The following USPL1 variants were observed in gnomAD, a reference collection of about 807,000 sequenced individuals.
The protein encoded by USPL1 is SUMO-specific isopeptidase USPL1.
USPL1 carries 27 observed loss-of-function variants against 51.5 expected under a neutral mutation model. The observed-to-expected ratio is 0.52, with a 90% CI of 0.39 to 0.72. USPL1 has a LOEUF of 0.72. Ranked by LOEUF, USPL1 falls within the 30% of genes least tolerant of loss-of-function variation. The pLI is 0.00. For missense variants in USPL1, 1,226 were observed against 1,268.0 expected, an observed-to-expected ratio of 0.97 and a Z score of 0.50; for synonymous variants, 451 against 459.6, an observed-to-expected ratio of 0.98 and a Z score of 0.24.
At chr13:30,638,446 G>A (rs1950904293) in intron 5 of USPL1, among the ~76,000 whole-genome samples, 3 of 152,068 alleles carry the variant, frequency 2.0e-5, no homozygotes, top group Non-Finnish European at 2.9e-5. Context: ...AAGCTTCCTC[G>A]CCTTTAGAAA....
intron 1 of USPL1, among the ~76,000 whole-genome samples, chr13:30,619,925 A>G (rs1357894554): frequency 6.6e-6 from 1 of 152,212 alleles, no homozygotes; most frequent in Non-Finnish European, 1.5e-5. Context: ...TGTTGGATCT[A>G]GAGGGTAAAG....
intron 8 of USPL1, among the ~76,000 whole-genome samples, chr13:30,655,892 G>A (rs576380291): frequency 6.6e-6 from 1 of 152,218 alleles, no homozygotes; most frequent in Non-Finnish European, 1.5e-5. Flanking sequence ...CATAGAAATA[G>A]AGTAAGCTAC....
chr13:30,633,047 A>G (rs1165505082), intron 4 of USPL1, among the ~76,000 whole-genome samples: 1 of 152,012 alleles, frequency 6.6e-6, no homozygotes, highest in Non-Finnish European at 1.5e-5. Context: ...TCATCATTCC[A>G]TCTTTTCTTA....
chr13:30,631,529 C>G (rs1168667949), intron 4 of USPL1, 55 bp downstream of exon 4: 2 of 1,482,692 alleles, frequency 1.3e-6, no homozygotes, highest in African/African-American at 1.4e-5. Context: ...GAGTCAGGGT[C>G]TCATTCTGTC....
Position 30,631,144 on chromosome 13 carries a change from G to C in USPL1, c.538G>C (p.Val180Leu), listed in dbSNP as rs1386460809. The C allele has an allele frequency of 6.2e-7, 1 of 1,614,194 alleles. No homozygotes were observed. Among genetic ancestry groups the C allele is most frequent in the Non-Finnish European group, 8.5e-7 (1 of 1,180,026 alleles). ...GAATGAGATTTTGGAAGCTGATACTGTTGACATGGCTACTACAAAAGATCC... is the reference window on the plus strand; with the variant it reads ...GAATGAGATTTTGGAAGCTGATACTCTTGACATGGCTACTACAAAAGATCC... ...ERNEILEADT[V>L]DMATTKDPAT... The change falls in exon 4 of 9, where the codon GTT (valine) becomes CTT (leucine). Residue 180 changes from valine to leucine, a missense_variant. Transcript: ENST00000255304.
chr13:30,634,131 C>T (rs946634368), intron 4 of USPL1, among the ~76,000 whole-genome samples: 1 of 152,166 alleles, frequency 6.6e-6, no homozygotes, highest in Non-Finnish European at 1.5e-5. Flanking sequence ...CATTACTATG[C>T]TCGTGCTTTG....
At chr13:30,635,278 T>C (rs553077933) in intron 4 of USPL1, among the ~76,000 whole-genome samples, 65 of 152,330 alleles carry the variant, frequency 4.3e-4, no homozygotes, top group Non-Finnish European at 7.8e-4. Flanking sequence ...TGAAAAGTTA[T>C]AAAGTTTTGC....
intron 8 of USPL1, among the ~76,000 whole-genome samples, chr13:30,654,352 T>TCC (rs1377490070): frequency 6.6e-6 from 1 of 151,926 alleles, no homozygotes; most frequent in African/African-American, 2.4e-5. Flanking sequence ...TCATTCTCTC[T>TCC]CTCTCTCTCT....
At position 30,657,915 on chromosome 13, in the gene USPL1, T is replaced by C. The variant is rs771880481; in HGVS notation, c.1838T>C (p.Val613Ala). ...GCTTTCCTGTTAGAAAATAAACCTG[T>C]AGCAGAAAATACAGGAATTCTCAAA... is the stretch of plus-strand genomic sequence containing the variant. Reference protein sequence around the residue: ...SEAFLLENKPVAENTGILKTN... With the variant: ...SEAFLLENKPAAENTGILKTN... Residue 613 changes from valine (V) to alanine (A), a missense_variant, in exon 9 of 9, where the codon GTA (valine) becomes GCA (alanine). Coordinates refer to ENST00000255304, the MANE Select transcript of USPL1 (RefSeq NM_005800.5). 3 of 1,613,950 alleles carry C rather than the reference T, an allele frequency of 1.9e-6. No homozygotes were observed. Among genetic ancestry groups the C allele is most frequent in the Non-Finnish European group, 2.5e-6 (3 of 1,180,024 alleles).
intron 5 of USPL1, 66 bp from the exon 6 acceptor site, chr13:30,642,562 C>A (rs1950961757): frequency 6.4e-7 from 1 of 1,562,828 alleles, no homozygotes; most frequent in Non-Finnish European, 8.7e-7. Context: ...GACAATAGTT[C>A]ACAATTTTGG....
chr13:30,630,233 A>G (rs1445102978), intron 3 of USPL1, among the ~76,000 whole-genome samples: 1 of 152,174 alleles, frequency 6.6e-6, no homozygotes, highest in African/African-American at 2.4e-5. Flanking sequence ...TAAACTTAGG[A>G]AAGACCCACT....
chr13:30,620,139 G>A (rs577433454), intron 1 of USPL1, among the ~76,000 whole-genome samples: 1 of 152,316 alleles, frequency 6.6e-6, no homozygotes, highest in African/African-American at 2.4e-5. Context: ...GGTTTGTGAA[G>A]TTTATATAGC....
chr13:30,635,361 T>C (rs1467270975), intron 4 of USPL1, among the ~76,000 whole-genome samples: 2 of 152,200 alleles, frequency 1.3e-5, no homozygotes, highest in Non-Finnish European at 2.9e-5. Context: ...TCCATTTTTT[T>C]CCCATTTGCA....
At chr13:30,618,110 C>CA (rs1397544181) in intron 1 of USPL1, 54 bp downstream of exon 1, 1 of 152,266 alleles carries the variant, frequency 6.6e-6, no homozygotes, top group East Asian at 1.9e-4. Context: ...GGAAAAGAGA[C>CA]AGAGCTGGGA....
chr13:30,652,031 T>G (rs1334533382), intron 7 of USPL1, among the ~76,000 whole-genome samples: 2 of 152,338 alleles, frequency 1.3e-5, no homozygotes, highest in African/African-American at 4.8e-5. Context: ...TCTCAAGTTT[T>G]ACTGTGGTTC....
chr13:30,623,986 G>A (rs929172026), intron 3 of USPL1, among the ~76,000 whole-genome samples: 5 of 152,102 alleles, frequency 3.3e-5, no homozygotes, highest in Non-Finnish European at 5.9e-5. Context: ...TGAGTTCTGC[G>A]AGCTGTCCTT....
chr13:30,646,803 A>C, intron 6 of USPL1, 129 bp from the exon 7 acceptor site: 1 of 1,005,240 alleles, frequency 9.9e-7, no homozygotes, highest in Middle Eastern at 3.2e-4. Flanking sequence ...GAACATTGCC[A>C]TATTAACATG....
At position 30,644,496 on chromosome 13, in the gene USPL1, C is replaced by T. The variant is rs1179384227; in HGVS notation, c.1112+1739C>T. Among the ~76,000 whole-genome samples the T allele has an allele frequency of 3.3e-5, 5 of 151,728 alleles. No individual in the cohort carries two copies. In the South Asian group the frequency reaches 6.2e-4, roughly 19 times the overall value. ...AGTAGACACCATGAGCAAAGCTAAC[C>T]CTCCTGAGTTGAAAAAATTATGGAC... On this transcript the variant is annotated intron_variant, in intron 6 of 8. Coordinates refer to ENST00000255304, the MANE Select transcript of USPL1 (RefSeq NM_005800.5).
At chr13:30,638,194 G>A (rs1312739494) in intron 5 of USPL1, among the ~76,000 whole-genome samples, 8 of 152,206 alleles carry the variant, frequency 5.3e-5, no homozygotes, top group East Asian at 1.9e-4. Flanking sequence ...AAAAAGCACC[G>A]AGGGAATTTA....
Sources: gnomAD v4.1 joint callset for allele counts (sites outside exome capture counted in the v4.1 genomes callset) on GRCh38, gnomAD v4.1.1 for gene constraint, MANE v1.5 for transcripts, NCBI Gene and HGNC (gene_info 2026-07-23, HGNC 2026-07-21) for gene names.